EYS: variants seen among roughly 807,000 people sequenced by gnomAD.
EYS encodes protein eyes shut homolog.
EYS carries 250 observed loss-of-function variants against 282.1 expected under a neutral mutation model. That is an observed-to-expected ratio of 0.89 (90% CI 0.80 to 0.98). EYS has a LOEUF of 0.98. EYS is among the 50% of genes least tolerant of loss of function. The pLI, the probability that EYS is intolerant of heterozygous loss-of-function variation, is 0.00. For missense variants in EYS, 4,016 were observed against 3,709.0 expected (o/e 1.08, Z -2.15); for synonymous variants, 1,355 against 1,282.9 (o/e 1.06, Z -1.20).
At position 64,945,836 on chromosome 6, in the gene EYS, A is replaced by C; in HGVS notation, c.2338T>G (p.Cys780Gly). 6.5e-7 allele frequency: 1 copy of C among 1,550,044 alleles called. No individual in the cohort carries two copies. Among genetic ancestry groups the C allele is most frequent in the Non-Finnish European group, 8.7e-7 (1 of 1,145,922 alleles). Residue 780 changes from cysteine (C) to glycine (G), a missense_variant, in exon 15 of 43, where the codon TGC becomes GGC. Physicochemically the swap from Cys to Gly is radical, Grantham distance 159. Coordinates refer to ENST00000503581, the MANE Select transcript of EYS (RefSeq NM_001142800.2). ...TCAGTACAGGTGGAATTGTTCTTGC[A>C]AGGATTCATTTTACACTCATTGGAT... ...QESNECKMNP[C>G]KNNSTCTDLY...
intron 32 of EYS, 41 bp downstream of exon 32, chr6:64,081,811 GAGAA>G (rs753476057): frequency 1.2e-5 from 17 of 1,371,982 alleles, no homozygotes; most frequent in Admixed American, 2.7e-5. Flanking sequence ...ATCAACGTTT[GAGAA>G]AGAAACATGA....
chr6:64,800,011 C>A (rs1307247312), intron 22 of EYS, among the ~76,000 whole-genome samples: 3 of 151,930 alleles, frequency 2.0e-5, no homozygotes, highest in Non-Finnish European at 1.5e-5. Flanking sequence ...ATCCTTTTAT[C>A]TTCCAATATA....
At chr6:64,843,704 A>T (rs1055154861) in intron 19 of EYS, among the ~76,000 whole-genome samples, 2 of 152,102 alleles carry the variant, frequency 1.3e-5, no homozygotes, top group African/African-American at 4.8e-5. Context: ...GCCTTGTTTC[A>T]GATGAGACTT....
chr6:63,824,252 A>C (rs1041922534), intron 36 of EYS, among the ~76,000 whole-genome samples: 2 of 152,344 alleles, frequency 1.3e-5, no homozygotes, highest in South Asian at 2.1e-4. Context: ...TAGACATGCC[A>C]ATTCCCACTA....
At chr6:64,033,862 A>ATATATATAT (rs1582173592) in intron 33 of EYS, among the ~76,000 whole-genome samples, 2 of 151,782 alleles carry the variant, frequency 1.3e-5, no homozygotes, top group African/African-American at 4.9e-5. Context: ...ATATATATAT[A>ATATATATAT]AAATTGGGAG....
intron 19 of EYS, among the ~76,000 whole-genome samples, chr6:64,857,239 T>C (rs1766091557): frequency 1.3e-5 from 2 of 152,170 alleles, no homozygotes; most frequent in African/African-American, 2.4e-5. Flanking sequence ...CATTTCCCTA[T>C]AGGTACTGTT....
At chr6:63,824,203 G>A (rs1434996499) in intron 36 of EYS, among the ~76,000 whole-genome samples, 1 of 152,124 alleles carries the variant, frequency 6.6e-6, no homozygotes, top group Admixed American at 6.5e-5. Context: ...TAAATTATTA[G>A]TAAGTAGAAA....
chr6:63,806,215 T>TA lies in EYS; in HGVS notation c.7385dup (p.Phe2463IlefsTer14). On this transcript the variant is annotated frameshift_variant, in exon 37 of 43. Coordinates refer to ENST00000503581, the MANE Select transcript of EYS (RefSeq NM_001142800.2). LOFTEE classifies it high-confidence loss of function. ...CATGGCCTTTCTGTCCAGTAAAAAA[T>TA]ATCAAGTTATTTTGCAGTGCTGAGT... The TA allele has an allele frequency of 6.4e-7, 1 of 1,551,402 alleles. No individual in the cohort carries two copies. Among genetic ancestry groups the TA allele is most frequent in the Non-Finnish European group, 8.7e-7 (1 of 1,146,808 alleles).
intron 1 of EYS, among the ~76,000 whole-genome samples, chr6:65,695,116 G>C (rs188727989): frequency 1.6e-3 from 240 of 151,968 alleles, no homozygotes; most frequent in Non-Finnish European, 2.8e-4. Flanking sequence ...TAATATGCAA[G>C]GGCAAATTAG....
intron 1 of EYS, among the ~76,000 whole-genome samples, chr6:65,643,185 G>C (rs1235063534): frequency 2.0e-5 from 3 of 152,202 alleles, no homozygotes; most frequent in African/African-American, 7.2e-5. Flanking sequence ...AGTGTTGTTG[G>C]GGGGACACAG....
At chr6:64,353,377 TTA>T in intron 29 of EYS, among the ~76,000 whole-genome samples, 2 of 151,658 alleles carry the variant, frequency 1.3e-5, no homozygotes, top group East Asian at 3.9e-4. Flanking sequence ...TTTTAAAAAT[TTA>T]TTTCTCCATC....
intron 35 of EYS, among the ~76,000 whole-genome samples, chr6:63,978,653 A>T (rs1766952744): frequency 6.6e-6 from 1 of 151,968 alleles, no homozygotes; most frequent in Non-Finnish European, 1.5e-5. Flanking sequence ...TGACATTGTG[A>T]AATGACAATG....
At chr6:65,163,833 T>G (rs1237888727) in intron 12 of EYS, among the ~76,000 whole-genome samples, 1 of 151,334 alleles carries the variant, frequency 6.6e-6, no homozygotes, top group African/African-American at 2.4e-5. Context: ...CTCATTTGTT[T>G]ATGCATTGTC....
intron 1 of EYS, among the ~76,000 whole-genome samples, chr6:65,674,448 C>A: frequency 1.8e-5 from 1 of 54,676 alleles, no homozygotes; most frequent in African/African-American, 7.5e-5. Context: ...AAGACTCCGT[C>A]TCAAAAAAAA....
chr6:65,214,689 T>C (rs1394612821), intron 12 of EYS, among the ~76,000 whole-genome samples: 1 of 152,142 alleles, frequency 6.6e-6, no homozygotes, highest in African/African-American at 2.4e-5. Context: ...AAAGACATCA[T>C]CTAAGATTTT....
chr6:65,422,969 A>G (rs1767523835), intron 5 of EYS, among the ~76,000 whole-genome samples: 1 of 151,836 alleles, frequency 6.6e-6, no homozygotes, highest in African/African-American at 2.4e-5. Context: ...TCATTATAAC[A>G]TATATATAAT....
chr6:65,183,619 T>C (rs1765445841), intron 12 of EYS, among the ~76,000 whole-genome samples: 1 of 151,906 alleles, frequency 6.6e-6, no homozygotes, highest in African/African-American at 2.4e-5. Context: ...ATATATTTCT[T>C]GTTTAATATT....
intron 35 of EYS, among the ~76,000 whole-genome samples, chr6:63,878,198 C>G (rs1336677833): frequency 6.6e-6 from 1 of 152,202 alleles, no homozygotes; most frequent in Non-Finnish European, 1.5e-5. Flanking sequence ...TTCTAACAGT[C>G]AGGACCCTCA....
At chr6:64,504,235 C>A (rs552091950) in intron 26 of EYS, among the ~76,000 whole-genome samples, 3 of 152,196 alleles carry the variant, frequency 2.0e-5, no homozygotes, top group Admixed American at 2.0e-4. Context: ...TATCTCAGCC[C>A]TCAGAATGAT....
Sources: gnomAD v4.1 joint callset for allele counts (sites outside exome capture counted in the v4.1 genomes callset) on GRCh38, gnomAD v4.1.1 for gene constraint, MANE v1.5 for transcripts, NCBI Gene and HGNC (gene_info 2026-07-23, HGNC 2026-07-21) for gene names.